ACYP2: variants seen among roughly 807,000 people sequenced by gnomAD.
ACYP2 encodes acylphosphatase-2.
ACYP2 carries 12 observed loss-of-function variants against 11.2 expected under a neutral mutation model. That is an observed-to-expected ratio of 1.08 (90% CI 0.69 to 1.74). The LOEUF is 1.74. Among genes scored for constraint, ACYP2 ranks in the 40% most tolerant of loss-of-function variants. ACYP2 has a pLI of 0.00. For synonymous variants in ACYP2, 43 were observed against 32.2 expected (o/e 1.33, Z -1.13); for missense variants, 134 against 101.9 (o/e 1.31, Z -1.35).
At chr2:54,099,945 C>T (rs944113640) in intron 4 of ACYP2, among the ~76,000 whole-genome samples, 1 of 152,168 alleles carries the variant, frequency 6.6e-6, no homozygotes, top group Non-Finnish European at 1.5e-5. Context: ...CACACCCTCG[C>T]CAACACTATC....
chr2:54,095,281 C>G (rs1427648542), intron 4 of ACYP2, among the ~76,000 whole-genome samples: 2 of 152,256 alleles, frequency 1.3e-5, no homozygotes, highest in Non-Finnish European at 2.9e-5. Flanking sequence ...CCCATGTCTA[C>G]TTCTTTCTAC....
chr2:54,108,128 C>T (rs369745244), intron 4 of ACYP2, among the ~76,000 whole-genome samples: 4 of 152,226 alleles, frequency 2.6e-5, no homozygotes, highest in Non-Finnish European at 5.9e-5. Context: ...TAAACTCCTC[C>T]GCGACTGTGC....
chr2:54,075,520 A>AAAGG lies in ACYP2; in HGVS notation c.277+18162_277+18163insGGAA, dbSNP rs60451237. Among the ~76,000 whole-genome samples, 8 of 143,236 alleles carry AAAGG rather than the reference A, an allele frequency of 5.6e-5. 1 individual carries two copies. The highest frequency in any genetic ancestry group is 3.5e-4 in the Admixed American group (5 of 14,492). The allele number at this position is 143,236 out of a possible 152,430, so 94.0% of individuals were successfully genotyped here. ...CTCAAAATTAAAAAAAAAAAGAAAG[A>AAAGG]AAAAAAAAAAGGGTGGACACGGTGG... On this transcript the variant is annotated intron_variant, in intron 4 of 6. Transcript: ENST00000607452.
chr2:54,115,276 T>C, intron 4 of ACYP2: 1 of 429,912 alleles, frequency 2.3e-6, no homozygotes, highest in South Asian at 3.9e-5. Flanking sequence ...CATCACCTTG[T>C]ACACCACAAA....
At chr2:54,299,894 CTAACTT>C (rs1558678506) in intron 6 of ACYP2, among the ~76,000 whole-genome samples, 1 of 152,224 alleles carries the variant, frequency 6.6e-6, no homozygotes, top group Admixed American at 6.5e-5. Flanking sequence ...GCCATCTAGA[CTAACTT>C]TAAGGGTCCT....
chr2:54,010,481 T>C (rs1489636060), intron 2 of ACYP2, among the ~76,000 whole-genome samples: 1 of 93,680 alleles, frequency 1.1e-5, no homozygotes, highest in Non-Finnish European at 2.0e-5. Flanking sequence ...TTAAACTCTG[T>C]CTCAAAAAAA....
chr2:54,177,904 T>TC (rs1558590320), intron 6 of ACYP2, among the ~76,000 whole-genome samples: 799 of 34,880 alleles, frequency 0.023, 15 homozygotes, highest in African/African-American at 0.11. Context: ...TTTCTTTCTT[T>TC]ATTTTTTTTT....
chr2:54,256,455 C>G (rs1363258491), intron 6 of ACYP2, among the ~76,000 whole-genome samples: 1 of 152,146 alleles, frequency 6.6e-6, no homozygotes, highest in African/African-American at 2.4e-5. Context: ...TTGTTGGCCA[C>G]TAGGATATTC....
At chr2:54,117,313 A>G (rs1372155785) in intron 4 of ACYP2, among the ~76,000 whole-genome samples, 1 of 152,052 alleles carries the variant, frequency 6.6e-6, no homozygotes, top group East Asian at 1.9e-4. Context: ...TTTTTAAGAG[A>G]TGGAGTCTTG....
intron 6 of ACYP2, chr2:54,142,021 T>TA (rs1349041489): frequency 2.1e-4 from 48 of 230,050 alleles, no homozygotes; most frequent in Non-Finnish European, 3.0e-4. Context: ...GTATATTTTG[T>TA]TGTTGTTGTT....
intron 4 of ACYP2, among the ~76,000 whole-genome samples, chr2:54,071,580 C>G (rs1031879221): frequency 1.3e-5 from 2 of 152,056 alleles, no homozygotes; most frequent in African/African-American, 4.8e-5. Flanking sequence ...ATTCTGCCAC[C>G]TCGGCCTTCT....
At chr2:54,201,612 C>CTTTG (rs1203130787) in intron 6 of ACYP2, among the ~76,000 whole-genome samples, 8 of 77,762 alleles carry the variant, frequency 1.0e-4, no homozygotes, top group South Asian at 6.5e-4. Context: ...TTCTTTCTTT[C>CTTTG]TTTCTTTCTT....
chr2:54,085,837 G>C (rs889836026), intron 4 of ACYP2, among the ~76,000 whole-genome samples: 2 of 152,048 alleles, frequency 1.3e-5, no homozygotes, highest in African/African-American at 4.8e-5. Context: ...TTTTTTGAAG[G>C]CTTGAAGTTT....
intron 2 of ACYP2, among the ~76,000 whole-genome samples, chr2:54,004,125 A>AGACATGC (rs1202604588): frequency 6.6e-6 from 1 of 152,078 alleles, no homozygotes; most frequent in African/African-American, 2.4e-5. Context: ...CTGGGACCAC[A>AGACATGC]GACATGCGCC....
intron 2 of ACYP2, among the ~76,000 whole-genome samples, chr2:53,989,040 G>A (rs925745202): frequency 2.0e-5 from 3 of 152,124 alleles, no homozygotes; most frequent in East Asian, 1.9e-4. Context: ...GAGCCACCAC[G>A]CCCGGCCTGT....
intron 6 of ACYP2, among the ~76,000 whole-genome samples, chr2:54,202,451 A>G (rs1448507150): frequency 8.1e-6 from 1 of 123,466 alleles, no homozygotes; most frequent in African/African-American, 3.2e-5. Context: ...TCTGTCTCCC[A>G]GTCTGGAGTG....
At chr2:54,269,305 T>G (rs1476758922) in intron 6 of ACYP2, among the ~76,000 whole-genome samples, 3 of 152,154 alleles carry the variant, frequency 2.0e-5, no homozygotes, top group African/African-American at 4.8e-5. Flanking sequence ...GTAAACAAGA[T>G]GGCAAGGGAT....
intron 2 of ACYP2, among the ~76,000 whole-genome samples, chr2:54,001,908 A>G (rs1055854815): frequency 2.0e-5 from 3 of 152,132 alleles, no homozygotes; most frequent in African/African-American, 7.2e-5. Context: ...GAGAGTTCCC[A>G]TATTTCCCCT....
intron 6 of ACYP2, among the ~76,000 whole-genome samples, chr2:54,302,400 G>C (rs543317121): frequency 6.6e-6 from 1 of 152,100 alleles, no homozygotes; most frequent in South Asian, 2.1e-4. Flanking sequence ...GGGCTCCCTG[G>C]GCACCAGTTT....
Sources: gnomAD v4.1 joint callset for allele counts (sites outside exome capture counted in the v4.1 genomes callset) on GRCh38, gnomAD v4.1.1 for gene constraint, MANE v1.5 for transcripts, NCBI Gene and HGNC (gene_info 2026-07-23, HGNC 2026-07-21) for gene names.